ST8SIA1: variants seen among roughly 807,000 people sequenced by gnomAD.
The protein encoded by ST8SIA1 is alpha-N-acetylneuraminide alpha-2,8-sialyltransferase.
ST8SIA1 carries 16 observed loss-of-function variants against 35.9 expected under a neutral mutation model. That is an observed-to-expected ratio of 0.45 (90% CI 0.30 to 0.68). The LOEUF is 0.68. Ranked by LOEUF, ST8SIA1 falls within the 30% of genes least tolerant of loss-of-function variation. The pLI is 0.09. For missense variants in ST8SIA1, 383 were observed against 453.6 expected (o/e 0.84, Z 1.41); for synonymous variants, 170 against 169.6 (o/e 1.00, Z -0.02).
In ST8SIA1 at chr12:22,310,684, C is replaced by T. The variant is rs566373483; in HGVS notation, c.236+23313G>A. Among the ~76,000 whole-genome samples the T allele has an allele frequency of 2.6e-5, 4 of 152,156 alleles. No individual in the cohort carries two copies. In the South Asian group the frequency reaches 6.2e-4, roughly 24 times the overall value. On this transcript the variant is annotated intron_variant, in intron 1 of 4. Coordinates refer to ENST00000396037, the MANE Select transcript of ST8SIA1 (RefSeq NM_003034.4). ...ACATAAAAGCAAAGCATATACGCCTCGGTGGATTTAGAAAAATCAGACTAC... is the reference window on the plus strand; with the variant it reads ...ACATAAAAGCAAAGCATATACGCCTTGGTGGATTTAGAAAAATCAGACTAC...
At chr12:22,246,039 A>G (rs1216168975) in intron 4 of ST8SIA1, among the ~76,000 whole-genome samples, 1 of 152,182 alleles carries the variant, frequency 6.6e-6, no homozygotes, top group Non-Finnish European at 1.5e-5. Context: ...AAACGTAAAT[A>G]AGCGTTTCCT....
At chr12:22,261,800 C>T (rs1002892137) in intron 2 of ST8SIA1, among the ~76,000 whole-genome samples, 1 of 152,184 alleles carries the variant, frequency 6.6e-6, no homozygotes, top group African/African-American at 2.4e-5. Flanking sequence ...GTCTGCCTCA[C>T]TCGTGCCTCT....
intron 4 of ST8SIA1, among the ~76,000 whole-genome samples, chr12:22,230,578 G>T (rs1042346492): frequency 2.6e-5 from 4 of 152,158 alleles, no homozygotes; most frequent in African/African-American, 9.7e-5. Context: ...TCCAGTTAAA[G>T]AATTATTCTA....
At chr12:22,234,904 C>A (rs1466854882) in intron 4 of ST8SIA1, among the ~76,000 whole-genome samples, 1 of 152,132 alleles carries the variant, frequency 6.6e-6, no homozygotes, top group Non-Finnish European at 1.5e-5. Context: ...CCTTTTTCTG[C>A]CTTTCCCTTC....
chr12:22,196,246 G>A lies in ST8SIA1; in HGVS notation c.*5306C>T, dbSNP rs571546140. The A allele has an allele frequency of 2.0e-5, 3 of 152,136 alleles. No homozygotes were observed. The highest frequency in any genetic ancestry group is 6.5e-5 in the Admixed American group (1 of 15,280). The allele number at this position is 152,136 out of a possible 1,614,324, so 9.4% of individuals were successfully genotyped here. ...TATTCCTTATGTATTAGAGACAGAA[G>A]AAATCAGAAATGTTGGCACCAGAGA... On this transcript the variant is annotated 3_prime_UTR_variant, in exon 5 of 5. Transcript: ENST00000396037.
At chr12:22,323,128 T>C (rs962808994) in intron 1 of ST8SIA1, among the ~76,000 whole-genome samples, 2 of 152,228 alleles carry the variant, frequency 1.3e-5, no homozygotes, top group African/African-American at 4.8e-5. Flanking sequence ...CTGCACTACA[T>C]AAATTCCTCA....
At chr12:22,263,406 T>C (rs1298421273) in intron 2 of ST8SIA1, among the ~76,000 whole-genome samples, 1 of 152,222 alleles carries the variant, frequency 6.6e-6, no homozygotes. Context: ...CTCTTTTATC[T>C]GCAGCCTACA....
At chr12:22,276,293 G>C (rs1865967925) in intron 2 of ST8SIA1, among the ~76,000 whole-genome samples, 1 of 152,170 alleles carries the variant, frequency 6.6e-6, no homozygotes, top group Non-Finnish European at 1.5e-5. Context: ...GCAGCTAAAC[G>C]TCCTCTTTGC....
chr12:22,250,459 A>G (rs865877434), intron 3 of ST8SIA1, among the ~76,000 whole-genome samples: 1 of 152,224 alleles, frequency 6.6e-6, no homozygotes, highest in South Asian at 2.1e-4. Flanking sequence ...AAATGCGCCT[A>G]TAGTTTCCAT....
At chr12:22,276,744 T>C (rs1865973360) in intron 2 of ST8SIA1, among the ~76,000 whole-genome samples, 1 of 152,104 alleles carries the variant, frequency 6.6e-6, no homozygotes. Flanking sequence ...TTTTATAAAT[T>C]ATTTTTCTTG....
At chr12:22,286,708 T>G (rs1591844871) in intron 2 of ST8SIA1, among the ~76,000 whole-genome samples, 1 of 152,194 alleles carries the variant, frequency 6.6e-6, no homozygotes, top group African/African-American at 2.4e-5. Flanking sequence ...CATTTCACAG[T>G]GGTAATCTAA....
intron 4 of ST8SIA1, among the ~76,000 whole-genome samples, chr12:22,235,836 A>T (rs1865470846): frequency 6.6e-6 from 1 of 152,016 alleles, no homozygotes; most frequent in Admixed American, 6.6e-5. Flanking sequence ...CCTCAGTGCC[A>T]TTACCCAGGA....
intron 2 of ST8SIA1, among the ~76,000 whole-genome samples, chr12:22,264,885 A>T (rs1865829324): frequency 6.6e-6 from 1 of 152,232 alleles, no homozygotes; most frequent in African/African-American, 2.4e-5. Flanking sequence ...CTTTCTACAC[A>T]GGATGCTTCT....
intron 4 of ST8SIA1, among the ~76,000 whole-genome samples, chr12:22,239,125 T>C (rs1432656571): frequency 6.6e-6 from 1 of 152,196 alleles, no homozygotes; most frequent in Non-Finnish European, 1.5e-5. Context: ...GTCTTTTCTT[T>C]CTGTCTGCTT....
chr12:22,225,735 TCTC>T (rs1865349373), intron 4 of ST8SIA1, among the ~76,000 whole-genome samples: 2 of 152,178 alleles, frequency 1.3e-5, no homozygotes, highest in Admixed American at 1.3e-4. Flanking sequence ...TAAAAAGCCT[TCTC>T]CTTGCATTCC....
intron 1 of ST8SIA1, among the ~76,000 whole-genome samples, chr12:22,327,248 C>T (rs1026596274): frequency 4.6e-5 from 7 of 152,304 alleles, no homozygotes; most frequent in African/African-American, 1.7e-4. Context: ...ATCTGGAATG[C>T]CAAATTCAAA....
At chr12:22,261,378 C>T (rs1201891830) in intron 2 of ST8SIA1, among the ~76,000 whole-genome samples, 1 of 152,178 alleles carries the variant, frequency 6.6e-6, no homozygotes, top group Non-Finnish European at 1.5e-5. Flanking sequence ...ATCTGCCTGC[C>T]TCGGCCTCCC....
intron 1 of ST8SIA1, among the ~76,000 whole-genome samples, chr12:22,320,979 GA>G (rs1219035671): frequency 3.4e-4 from 34 of 100,876 alleles, no homozygotes; most frequent in East Asian, 1.3e-3. Context: ...AAGAAAGAAA[GA>G]AAGAAAGAAA....
chr12:22,309,383 G>A (rs1259662896), intron 1 of ST8SIA1, among the ~76,000 whole-genome samples: 1 of 152,132 alleles, frequency 6.6e-6, no homozygotes, highest in Non-Finnish European at 1.5e-5. Context: ...CCAGTCTATG[G>A]AGAATGCACA....
Sources: gnomAD v4.1 joint callset for allele counts (sites outside exome capture counted in the v4.1 genomes callset) on GRCh38, gnomAD v4.1.1 for gene constraint, MANE v1.5 for transcripts, NCBI Gene and HGNC (gene_info 2026-07-23, HGNC 2026-07-21) for gene names.